The following MOXD1 variants were observed in gnomAD, a reference collection of about 807,000 sequenced individuals.
MOXD1 encodes the protein monooxygenase DBH like 1.
A neutral mutation model predicts 66.6 loss-of-function variants in MOXD1; 62 were observed. That is an observed-to-expected ratio of 0.93 (90% CI 0.76 to 1.15). The LOEUF (loss-of-function observed/expected upper bound fraction) is 1.15, where lower values mean the gene tolerates loss of function less well. Among genes scored for constraint, MOXD1 ranks in the 50% most tolerant of loss-of-function variants. The probability of loss-of-function intolerance (pLI) is 0.00; values close to 1 mark genes in which losing one functional copy is unlikely to be tolerated. For synonymous variants in MOXD1, 303 were observed against 281.9 expected (o/e 1.07, Z -0.75); for missense variants, 847 against 754.6 (o/e 1.12, Z -1.44).
intron 1 of MOXD1, among the ~76,000 whole-genome samples, chr6:132,390,266 C>T (rs1231602120): frequency 1.3e-5 from 2 of 151,442 alleles, no homozygotes; most frequent in Non-Finnish European, 3.0e-5. Flanking sequence ...TTCTTTGATG[C>T]CTATGCCAGA....
chr6:132,401,458 C>T lies in MOXD1; in HGVS notation c.-32G>A, dbSNP rs895030382. On this transcript the variant is annotated 5_prime_UTR_variant, in exon 1 of 12. Coordinates refer to ENST00000367963, the MANE Select transcript of MOXD1 (RefSeq NM_015529.4). ...GCGCCTCCTGCCCGCCGGTACCGGC[C>T]TCCAGCCGCTGGGGAGTGAGGAGCA... 2 of 1,460,860 alleles carry T rather than the reference C, an allele frequency of 1.4e-6. No homozygotes were observed. Among genetic ancestry groups the T allele is most frequent in the African/African-American group, 2.9e-5 (2 of 68,306 alleles). 90.5% of individuals were successfully genotyped at this position (1,460,860 alleles called of 1,614,324 possible). A position where few individuals can be genotyped will look rare whatever the true frequency, so the allele number is the denominator to read the frequency against.
chr6:132,305,155 C>G (rs1774659205), intron 10 of MOXD1, among the ~76,000 whole-genome samples: 1 of 152,232 alleles, frequency 6.6e-6, no homozygotes, highest in East Asian at 1.9e-4. Flanking sequence ...CTCTATAGCT[C>G]CAGACTGTGC....
At chr6:132,353,286 G>C (rs770502377) in intron 4 of MOXD1, among the ~76,000 whole-genome samples, 41 of 152,106 alleles carry the variant, frequency 2.7e-4, no homozygotes, top group Non-Finnish European at 5.3e-4. Context: ...AAGAGGTTCT[G>C]TTTTGATGTG....
intron 7 of MOXD1, among the ~76,000 whole-genome samples, chr6:132,323,289 C>G (rs1417646530): frequency 6.6e-6 from 1 of 152,150 alleles, no homozygotes; most frequent in African/African-American, 2.4e-5. Context: ...CATGGTCCTA[C>G]AGCTTGTAAA....
At chr6:132,324,426 T>A (rs1463484186) in intron 6 of MOXD1, among the ~76,000 whole-genome samples, 2 of 152,226 alleles carry the variant, frequency 1.3e-5, no homozygotes, top group East Asian at 3.8e-4. Context: ...GATTCTAAAG[T>A]CATTCATTAG....
At chr6:132,349,681 CT>C (rs1346189334) in intron 4 of MOXD1, among the ~76,000 whole-genome samples, 1 of 151,688 alleles carries the variant, frequency 6.6e-6, no homozygotes, top group Non-Finnish European at 1.5e-5. Context: ...ACTTTTAGTT[CT>C]TTAAGGAATC....
chr6:132,372,319 A>G (rs1776278767), intron 4 of MOXD1, among the ~76,000 whole-genome samples: 2 of 152,158 alleles, frequency 1.3e-5, no homozygotes, highest in South Asian at 4.1e-4. Flanking sequence ...AATTCCAGTA[A>G]TTCCAATTGT....
chr6:132,303,186 C>T (rs1484216945), intron 10 of MOXD1, among the ~76,000 whole-genome samples: 1 of 152,014 alleles, frequency 6.6e-6, no homozygotes, highest in East Asian at 1.9e-4. Flanking sequence ...ATGAAACAAA[C>T]TTCAATAAAT....
At chr6:132,310,776 C>G (rs575576471) in intron 10 of MOXD1, among the ~76,000 whole-genome samples, 10 of 151,970 alleles carry the variant, frequency 6.6e-5, no homozygotes, top group Admixed American at 1.3e-4. Context: ...TACTGTCACT[C>G]GTAAGTGGGA....
At position 132,322,915 on chromosome 6, in the gene MOXD1, A is replaced by T. The variant is rs768057901; in HGVS notation, c.1114-45T>A. Reference sequence around the variant, plus strand: ...AGACCCGATTAGCCCACATTAATGCATGTTCAGACAGTTTACATTCAAACA... The same window carrying T: ...AGACCCGATTAGCCCACATTAATGCTTGTTCAGACAGTTTACATTCAAACA... On this transcript the variant is annotated intron_variant, in intron 7 of 11. Coordinates refer to ENST00000367963, the MANE Select transcript of MOXD1 (RefSeq NM_015529.4). 116 of 1,497,900 alleles carry T rather than the reference A, an allele frequency of 7.7e-5. 1 individual carries two copies. Among genetic ancestry groups the T allele is most frequent in the Middle Eastern group, 5.3e-4 (3 of 5,682 alleles). The allele number at this position is 1,497,900 out of a possible 1,614,324, so 92.8% of individuals were successfully genotyped here.
At position 132,306,895 on chromosome 6, in the gene MOXD1, C is replaced by A. The variant is rs544530447; in HGVS notation, c.1508+8740G>T. Among the ~76,000 whole-genome samples, 4 of 152,312 alleles carry A rather than the reference C, an allele frequency of 2.6e-5. No homozygotes were observed. The South Asian group carries it at 8.3e-4, about 32-fold the overall frequency. ...TATGGAAAGGAAAAACTCGTACCAG[C>A]CACTGCAAAAACATACCAAATTGTA... On this transcript the variant is annotated intron_variant, in intron 10 of 11. Coordinates refer to ENST00000367963, the MANE Select transcript of MOXD1 (RefSeq NM_015529.4).
intron 8 of MOXD1, among the ~76,000 whole-genome samples, chr6:132,321,630 A>G (rs1196784474): frequency 6.6e-6 from 1 of 152,162 alleles, no homozygotes; most frequent in East Asian, 1.9e-4. Context: ...ACCTCCCTGC[A>G]CGCCACTCAG....
At chr6:132,322,411 T>A (rs1217721294) in intron 8 of MOXD1, among the ~76,000 whole-genome samples, 2 of 152,204 alleles carry the variant, frequency 1.3e-5, no homozygotes, top group Non-Finnish European at 2.9e-5. Context: ...TGTTTAGTCC[T>A]CAGAACCTGA....
intron 9 of MOXD1, among the ~76,000 whole-genome samples, chr6:132,318,965 C>T (rs894764509): frequency 3.3e-5 from 5 of 152,008 alleles, no homozygotes; most frequent in Non-Finnish European, 7.4e-5. Context: ...AACCAAGTTT[C>T]CATCTGTAGA....
chr6:132,372,879 G>A lies in MOXD1; in HGVS notation c.530C>T (p.Thr177Ile). The A allele has an allele frequency of 1.2e-6, 2 of 1,614,038 alleles. No homozygotes were observed. The highest frequency in any genetic ancestry group is 1.7e-6 in the Non-Finnish European group (2 of 1,179,948). ...TGGTAAGGCTGTAGATAGCACACTA[G>A]TTTTCTCAGGATTCAATAACCGCAA... ...KSLRLLNPEK[T>I]SVLSTALPYF... Residue 177 changes from threonine to isoleucine, a missense_variant, in exon 3 of 12, where the codon ACT (threonine) becomes ATT (isoleucine). Transcript: ENST00000367963.
rs199789039 is a variant in MOXD1 at position 132,372,657 on chromosome 6, C to A, written c.614G>T (p.Cys205Phe). 6.2e-5 allele frequency: 100 copies of A among 1,613,880 alleles called. No individual in the cohort carries two copies. The highest frequency in any genetic ancestry group is 7.8e-5 in the Non-Finnish European group (92 of 1,179,866). ...PIPNKDTTYWCQMFKIPVFQE... is the reference protein window; with the variant it reads ...PIPNKDTTYWFQMFKIPVFQE... The stretch of plus-strand genomic sequence containing the variant: ...GAACACAGGAATCTTAAACATTTGG[C>A]ACCAATATGTTGTATCTTTGTTTGG... The change falls in exon 4 of 12, where the codon TGC becomes TTC. Residue 205 changes from cysteine (C) to phenylalanine (F), a missense_variant. Transcript: ENST00000367963.
At chr6:132,337,573 T>C (rs972632741) in intron 4 of MOXD1, among the ~76,000 whole-genome samples, 15 of 152,236 alleles carry the variant, frequency 9.9e-5, no homozygotes, top group Admixed American at 3.3e-4. Flanking sequence ...ATTAAGGCTA[T>C]TTGACTTGAT....
intron 1 of MOXD1, among the ~76,000 whole-genome samples, chr6:132,387,070 T>C (rs992036657): frequency 6.6e-6 from 1 of 151,342 alleles, no homozygotes; most frequent in Admixed American, 6.6e-5. Context: ...ATCCTTGTAA[T>C]TCTTTGATAT....
intron 6 of MOXD1, among the ~76,000 whole-genome samples, 163 bp from the exon 7 acceptor site, chr6:132,324,260 AG>A (rs1337128046): frequency 1.3e-5 from 2 of 152,158 alleles, no homozygotes; most frequent in Non-Finnish European, 2.9e-5. Context: ...AGCAGAGATT[AG>A]TGGCAGACAA....
Sources: allele counts gnomAD v4.1 joint callset (sites outside exome capture counted in the v4.1 genomes callset), GRCh38; gene constraint gnomAD v4.1.1; transcripts MANE v1.5; gene names NCBI Gene and HGNC (gene_info 2026-07-23, HGNC 2026-07-21).